ZNF658: variants seen among roughly 807,000 people sequenced by gnomAD.
ZNF658 encodes the protein zinc finger protein 658.
ZNF658 carries 46 observed loss-of-function variants against 78.0 expected under a neutral mutation model. The ratio of observed to expected loss-of-function variants is 0.59; its 90% CI spans 0.47 to 0.75. The LOEUF is 0.75. Among genes scored for constraint, ZNF658 ranks in the 30% least tolerant of loss-of-function variants. ZNF658 has a pLI of 0.00. For synonymous variants in ZNF658, 279 were observed against 408.4 expected (o/e 0.68, Z 3.82); for missense variants, 785 against 1,189.3 (o/e 0.66, Z 5.00).
chr9:66,908,365 G>T lies in ZNF658; in HGVS notation c.142+1G>T, dbSNP rs1822130799. On this transcript the variant is annotated splice_donor_variant, in intron 3 of 4. Transcript: ENST00000621410. LOFTEE classifies it high-confidence loss of function. ...AACTACAGCCACCTCATCTCAGTGG[G>T]TGAGCATAGCTTACCATGGGGCTCT... is the stretch of plus-strand genomic sequence containing the variant. 1.9e-6 allele frequency: 3 copies of T among 1,613,996 alleles called. No homozygotes were observed. Among genetic ancestry groups the T allele is most frequent in the East Asian group, 2.2e-5 (1 of 44,896 alleles).
At chr9:66,907,160 C>A (rs1163532555) in intron 2 of ZNF658, among the ~76,000 whole-genome samples, 1 of 151,802 alleles carries the variant, frequency 6.6e-6, no homozygotes, top group African/African-American at 2.4e-5. Flanking sequence ...TCCCTGTGTG[C>A]TCAAGGAGCT....
chr9:66,920,805 G>T lies in ZNF658; in HGVS notation c.*59G>T. On this transcript the variant is annotated 3_prime_UTR_variant, in exon 5 of 5. Transcript: ENST00000621410. ...CAGAAACTCATGTGACATAGGCTGGGAACTTGTTTCCCTTATCCATTTCCT... is the reference window on the plus strand; with the variant it reads ...CAGAAACTCATGTGACATAGGCTGGTAACTTGTTTCCCTTATCCATTTCCT... 1.4e-5 allele frequency: 9 copies of T among 637,014 alleles called. No homozygotes were observed. In the South Asian group the frequency reaches 1.5e-4, roughly 11 times the overall value. The allele number at this position is 637,014 out of a possible 1,614,324, so 39.5% of individuals were successfully genotyped here.
chr9:66,927,172 C>G (rs1822593806), intron 6 of ZNF658, among the ~76,000 whole-genome samples: 1 of 151,946 alleles, frequency 6.6e-6, no homozygotes, highest in Admixed American at 6.6e-5. Context: ...GTAGATAAAA[C>G]TAACAATCTG....
intron 4 of ZNF658, among the ~76,000 whole-genome samples, chr9:66,910,744 C>A (rs572860048): frequency 1.3e-5 from 2 of 149,274 alleles, no homozygotes; most frequent in African/African-American, 5.0e-5. Flanking sequence ...TGCAGTGAGC[C>A]GAGATAGCAC....
At chr9:66,907,547 G>GTCTA (rs1822107377) in intron 2 of ZNF658, among the ~76,000 whole-genome samples, 1 of 151,642 alleles carries the variant, frequency 6.6e-6, no homozygotes. Context: ...CCATTCTACT[G>GTCTA]TCTACATCTA....
At chr9:66,905,048 T>C (rs56061179) in intron 2 of ZNF658, among the ~76,000 whole-genome samples, 4,070 of 78,886 alleles carry the variant, frequency 0.052, 171 homozygotes, top group Non-Finnish European at 0.077. Flanking sequence ...CTTTTCTTTT[T>C]TCTTTTCTCT....
intron 2 of ZNF658, among the ~76,000 whole-genome samples, chr9:66,904,719 C>A (rs1309052862): frequency 2.0e-5 from 3 of 152,112 alleles, no homozygotes; most frequent in African/African-American, 4.8e-5. Flanking sequence ...CCCAAACAAC[C>A]ACTAACCTAC....
chr9:66,908,388 T>C (rs745958372), intron 3 of ZNF658, 24 bp downstream of exon 3: 1 of 1,613,876 alleles, frequency 6.2e-7, no homozygotes, highest in Non-Finnish European at 8.5e-7. Flanking sequence ...ACCATGGGGC[T>C]CTCTCGAGAA....
At position 66,918,842 on chromosome 9, in the gene ZNF658, C is replaced by T; in HGVS notation, c.1276C>T (p.His426Tyr). Reference protein sequence around the residue: ...ECAKSFCSSSHPIQHPGTYVG... With the variant: ...ECAKSFCSSSYPIQHPGTYVG... ...TGCAAAATCCTTTTGTTCAAGTTCA[C>T]ATCCTATTCAGCATCCTGGAACTTA... is the stretch of plus-strand genomic sequence containing the variant. Residue 426 changes from histidine to tyrosine, a missense_variant, in exon 5 of 5, where the codon CAT becomes TAT. Physicochemically the swap from His to Tyr is moderately conservative, Grantham distance 83 (BLOSUM62 2). Around this residue, in one of 12 missense-constraint regions of ZNF658, gnomAD observed 393 missense variants for 400.2 expected, o/e 0.98. Transcript: ENST00000621410. 1.2e-6 allele frequency: 2 copies of T among 1,607,950 alleles called. No individual in the cohort carries two copies. The highest frequency in any genetic ancestry group is 1.7e-6 in the Non-Finnish European group (2 of 1,175,374).
intron 2 of ZNF658, among the ~76,000 whole-genome samples, chr9:66,905,068 CTTTT>C (rs1165611922): frequency 3.8e-4 from 12 of 31,764 alleles, no homozygotes; most frequent in African/African-American, 1.5e-3. Flanking sequence ...TTTTTCTTTT[CTTTT>C]TTTTTTTTTT....
chr9:66,903,719 G>A lies in ZNF658; in HGVS notation c.15+143G>A, dbSNP rs1427090918. 5 of 759,158 alleles carry A rather than the reference G, an allele frequency of 6.6e-6. No homozygotes were observed. The Admixed American group carries it at 9.2e-5, about 14-fold the overall frequency. 47.0% of individuals were successfully genotyped at this position (759,158 alleles called of 1,614,324 possible). A position where few individuals can be genotyped will look rare whatever the true frequency, so the allele number is the denominator to read the frequency against. On this transcript the variant is annotated intron_variant, in intron 2 of 4. Coordinates refer to ENST00000621410, the MANE Select transcript of ZNF658 (RefSeq NM_033160.7). Reference sequence around the variant, plus strand: ...TGTAGAAATGCAGATGAATAGCAGAGCAAAGTGGCATGTGGATAGATGCAG... The same window carrying A: ...TGTAGAAATGCAGATGAATAGCAGAACAAAGTGGCATGTGGATAGATGCAG...
At position 66,917,994 on chromosome 9, in the gene ZNF658, G is replaced by A. The variant is rs764201556; in HGVS notation, c.428G>A (p.Arg143Lys). Residue 143 changes from arginine (R) to lysine (K), a missense_variant, in exon 5 of 5, where the codon AGA (arginine) becomes AAA (lysine). Coordinates refer to ENST00000621410, the MANE Select transcript of ZNF658 (RefSeq NM_033160.7). ...ATATCCTGTAAATGTGACTCACACA[G>A]AATGAATTTGCCAGTTGCTTCTCAA... ...EKISCKCDSH[R>K]MNLPVASQLI... The A allele has an allele frequency of 5.0e-6, 8 of 1,592,660 alleles. No homozygotes were observed. In the African/African-American group the frequency reaches 8.2e-5, roughly 16 times the overall value.
intron 4 of ZNF658, among the ~76,000 whole-genome samples, chr9:66,916,247 C>A (rs1209038683): frequency 6.6e-6 from 1 of 152,206 alleles, no homozygotes; most frequent in Non-Finnish European, 1.5e-5. Flanking sequence ...CCACAAATTT[C>A]TGTATTCTAA....
At chr9:66,901,893 G>T (rs1821960669) in intron 1 of ZNF658, among the ~76,000 whole-genome samples, 1 of 152,150 alleles carries the variant, frequency 6.6e-6, no homozygotes, top group African/African-American at 2.4e-5. Context: ...AGTGAGCCAA[G>T]ATTGCACCAC....
At chr9:66,913,280 C>A (rs1018606429) in intron 4 of ZNF658, among the ~76,000 whole-genome samples, 3 of 151,788 alleles carry the variant, frequency 2.0e-5, no homozygotes, top group African/African-American at 7.3e-5. Context: ...CAAAAATTAG[C>A]CAGGCGTGGT....
intron 2 of ZNF658, among the ~76,000 whole-genome samples, chr9:66,904,721 C>T (rs573927032): frequency 6.6e-6 from 1 of 152,306 alleles, no homozygotes; most frequent in East Asian, 1.9e-4. Context: ...CAAACAACCA[C>T]TAACCTACTC....
chr9:66,903,303 G>A (rs1233940024), intron 1 of ZNF658: 17 of 493,680 alleles, frequency 3.4e-5, no homozygotes, highest in Non-Finnish European at 5.9e-5. Context: ...AGAGTCAAAG[G>A]GACATTCTGC....
intron 4 of ZNF658, among the ~76,000 whole-genome samples, chr9:66,916,238 C>A (rs1185449253): frequency 1.3e-5 from 2 of 152,166 alleles, no homozygotes; most frequent in Non-Finnish European, 2.9e-5. Flanking sequence ...TAGCTGTATC[C>A]ACAAATTTCT....
At chr9:66,927,204 C>G (rs1564179249) in intron 6 of ZNF658, among the ~76,000 whole-genome samples, 2 of 151,622 alleles carry the variant, frequency 1.3e-5, no homozygotes, top group Non-Finnish European at 2.9e-5. Flanking sequence ...GAGCAAAGGA[C>G]TTGAATAGAC....
Sources: gnomAD v4.1 joint callset for allele counts (sites outside exome capture counted in the v4.1 genomes callset) on GRCh38, gnomAD v4.1.1 for gene constraint, gnomAD v4.1.1 regional missense constraint, MANE v1.5 for transcripts, NCBI Gene and HGNC (gene_info 2026-07-23, HGNC 2026-07-21) for gene names.